The following CDC14A variants were observed in gnomAD, a reference collection of about 807,000 sequenced individuals.
The protein encoded by CDC14A is cell division cycle 14A.
In CDC14A, 53 loss-of-function variants were observed where a neutral mutation model predicts 74.4. That is an observed-to-expected ratio of 0.71 (90% CI 0.57 to 0.89). The LOEUF is 0.89. Among genes scored for constraint, CDC14A ranks in the 40% least tolerant of loss-of-function variants. The pLI is 0.00. For missense variants in CDC14A, 646 were observed against 713.7 expected (o/e 0.91, Z 1.08); for synonymous variants, 247 against 258.4 (o/e 0.96, Z 0.43).
rs1399632596 is a variant in CDC14A at position 100,399,394 on chromosome 1, T to C, written c.309+8570T>C. Reference sequence around the variant, plus strand: ...AGAGTGCCAGAAATAGGGTAAATAATTTTAAATTTCAGAGTTTTTAAGACT... The same window carrying C: ...AGAGTGCCAGAAATAGGGTAAATAACTTTAAATTTCAGAGTTTTTAAGACT... On this transcript the variant is annotated intron_variant, in intron 4 of 15. Transcript: ENST00000336454. 2.0e-5 allele frequency among the ~76,000 whole-genome samples: 3 copies of C among 152,188 alleles called. No individual in the cohort carries two copies. In the East Asian group the frequency reaches 5.8e-4, roughly 29 times the overall value.
At chr1:100,464,884 T>C (rs1272422898) in intron 9 of CDC14A, among the ~76,000 whole-genome samples, 2 of 151,980 alleles carry the variant, frequency 1.3e-5, no homozygotes, top group African/African-American at 4.8e-5. Flanking sequence ...TTAAAAAATA[T>C]ATGTATTTAT....
intron 2 of CDC14A, among the ~76,000 whole-genome samples, chr1:100,375,752 G>C (rs890490921): frequency 6.6e-6 from 1 of 152,196 alleles, no homozygotes; most frequent in African/African-American, 2.4e-5. Context: ...ATTCCTCAAG[G>C]ATCTAGAACT....
intron 13 of CDC14A, among the ~76,000 whole-genome samples, chr1:100,496,531 C>A (rs1472371900): frequency 6.6e-6 from 1 of 152,170 alleles, no homozygotes; most frequent in African/African-American, 2.4e-5. Flanking sequence ...CCCCTGAAAC[C>A]TCCGGGAGTG....
chr1:100,509,556 G>A (rs1308416664), intron 15 of CDC14A, among the ~76,000 whole-genome samples: 1 of 152,174 alleles, frequency 6.6e-6, no homozygotes, highest in Non-Finnish European at 1.5e-5. Flanking sequence ...GTGTGCACAT[G>A]TGTGTCAGAT....
chr1:100,509,167 T>C (rs1649491239), intron 15 of CDC14A, among the ~76,000 whole-genome samples: 1 of 152,190 alleles, frequency 6.6e-6, no homozygotes, highest in African/African-American at 2.4e-5. Context: ...TTGGTCTCCC[T>C]TCCTCCCTCC....
chr1:100,472,111 C>A (rs1390715613), intron 10 of CDC14A, among the ~76,000 whole-genome samples: 1 of 152,052 alleles, frequency 6.6e-6, no homozygotes, highest in Non-Finnish European at 1.5e-5. Context: ...CACTCCTACA[C>A]ATTAACAATA....
chr1:100,404,933 A>G lies in CDC14A; in HGVS notation c.309+14109A>G, dbSNP rs1357553929. 2.0e-5 allele frequency among the ~76,000 whole-genome samples: 3 copies of G among 152,262 alleles called. No individual in the cohort carries two copies. The East Asian group carries it at 5.8e-4, about 29-fold the overall frequency. The stretch of plus-strand genomic sequence containing the variant: ...AGAAATATTTTAGGAGGGCTGCAGT[A>G]CCTCATAGAGTTATTTAATAAGAAA... On this transcript the variant is annotated intron_variant, in intron 4 of 15. Coordinates refer to ENST00000336454, the MANE Select transcript of CDC14A (RefSeq NM_003672.4).
At chr1:100,394,025 A>G in intron 4 of CDC14A, 1 of 261,468 alleles carries the variant, frequency 3.8e-6, no homozygotes, top group Non-Finnish European at 7.5e-6. Flanking sequence ...TGTGCCTGCC[A>G]TTCTGGGGAC....
chr1:100,396,495 G>C (rs553802905), intron 4 of CDC14A, among the ~76,000 whole-genome samples: 1 of 152,224 alleles, frequency 6.6e-6, no homozygotes, highest in African/African-American at 2.4e-5. Flanking sequence ...GAAGTTGGAC[G>C]TAAGGTATAA....
chr1:100,396,278 G>A (rs889240982), intron 4 of CDC14A, among the ~76,000 whole-genome samples: 1 of 152,194 alleles, frequency 6.6e-6, no homozygotes. Flanking sequence ...AAGAGACTAG[G>A]ATGGCCAGTG....
At position 100,499,032 on chromosome 1, in the gene CDC14A, A is replaced by G; in HGVS notation, c.1525A>G (p.Thr509Ala). 1 of 1,614,210 alleles carries G rather than the reference A, an allele frequency of 6.2e-7. No homozygotes were observed. The highest frequency in any genetic ancestry group is 8.5e-7 in the Non-Finnish European group (1 of 1,180,026). Residue 509 changes from threonine (T) to alanine (A), a missense_variant, in exon 15 of 16, where the codon ACA (threonine) becomes GCA (alanine). Transcript: ENST00000336454. ...CTCCTCATCCTCTAAGGCAGGCTTC[A>G]CAGCCAGCCCGTTTACCAACCTCTT... ...KTSSSSKAGFTASPFTNLLNG... is the reference protein window; with the variant it reads ...KTSSSSKAGFAASPFTNLLNG...
chr1:100,414,495 G>T (rs1053639107), intron 4 of CDC14A, among the ~76,000 whole-genome samples: 1 of 152,132 alleles, frequency 6.6e-6, no homozygotes, highest in Non-Finnish European at 1.5e-5. Flanking sequence ...CAAAGTTATG[G>T]TTCCTTGCCT....
chr1:100,375,948 C>A (rs1655180427), intron 2 of CDC14A, among the ~76,000 whole-genome samples: 2 of 151,968 alleles, frequency 1.3e-5, no homozygotes, highest in Non-Finnish European at 2.9e-5. Flanking sequence ...CACGTATACA[C>A]CATGGAATAC....
intron 4 of CDC14A, among the ~76,000 whole-genome samples, chr1:100,416,134 T>C (rs1571127471): frequency 6.6e-6 from 1 of 152,128 alleles, no homozygotes; most frequent in South Asian, 2.1e-4. Flanking sequence ...TTTTGCAGAG[T>C]TTTTTGCCTT....
chr1:100,389,708 A>G (rs779704178), intron 3 of CDC14A, among the ~76,000 whole-genome samples: 1 of 152,094 alleles, frequency 6.6e-6, no homozygotes, highest in Non-Finnish European at 1.5e-5. Flanking sequence ...AAGAGGTTCT[A>G]AAAGCAGGGA....
chr1:100,485,849 AAGAAATGATTTTTAAGCCC>A (rs1669972324), intron 11 of CDC14A: 1 of 152,220 alleles, frequency 6.6e-6, no homozygotes, highest in Admixed American at 6.5e-5. Flanking sequence ...AGACCGTTGG[AAGAAATGATTTTTAAGCCC>A]AGTGCTCTGT....
chr1:100,399,623 AT>A (rs1361877978), intron 4 of CDC14A, among the ~76,000 whole-genome samples: 1 of 152,168 alleles, frequency 6.6e-6, no homozygotes, highest in Non-Finnish European at 1.5e-5. Flanking sequence ...TTATAGATTT[AT>A]TAACTGTTTG....
chr1:100,481,321 A>G (rs573303836), intron 10 of CDC14A, among the ~76,000 whole-genome samples: 1 of 152,198 alleles, frequency 6.6e-6, no homozygotes, highest in South Asian at 2.1e-4. Context: ...GGATGGAAGA[A>G]GGATAAAGAT....
intron 3 of CDC14A, among the ~76,000 whole-genome samples, chr1:100,385,281 G>T (rs190816693): frequency 6.6e-6 from 1 of 152,236 alleles, no homozygotes; most frequent in East Asian, 1.9e-4. Flanking sequence ...TCAATGTGTG[G>T]TGTCTGGACC....
Sources: gnomAD v4.1 joint callset for allele counts (sites outside exome capture counted in the v4.1 genomes callset) on GRCh38, gnomAD v4.1.1 for gene constraint, MANE v1.5 for transcripts, NCBI Gene and HGNC (gene_info 2026-07-23, HGNC 2026-07-21) for gene names.